The following COL4A5 variants were observed in gnomAD, a reference collection of about 807,000 sequenced individuals.
COL4A5 encodes collagen alpha-5(IV) chain.
A neutral mutation model predicts 130.2 loss-of-function variants in COL4A5; 26 were observed. That is an observed-to-expected ratio of 0.20 (90% CI 0.15 to 0.28). The LOEUF (loss-of-function observed/expected upper bound fraction) is 0.28. Among genes scored for constraint, COL4A5 ranks in the 10% least tolerant of loss-of-function variants. The pLI, the probability that COL4A5 is intolerant of heterozygous loss-of-function variation, is 1.00. For missense variants in COL4A5, 1,131 were observed against 1,344.3 expected (o/e 0.84, Z 2.48); for synonymous variants, 496 against 439.6 (o/e 1.13, Z -1.60).
At chrX:108,441,424 G>C (rs1250622362) in intron 1 of COL4A5, among the ~76,000 whole-genome samples, 2 of 111,999 alleles carry the variant, frequency 1.8e-5, no homozygotes, top group Non-Finnish European at 3.8e-5. Context: ...CACTTAGCAT[G>C]CCTCAAATCA....
At chrX:108,625,608 A>G (rs2067138617) in intron 34 of COL4A5, 97 bp from the exon 35 acceptor site, 8 of 548,549 alleles carry the variant, frequency 1.5e-5, no homozygotes, top group Middle Eastern at 6.5e-4. Flanking sequence ...AATCCATCTA[A>G]TCCCATGTTT....
At position 108,546,150 on chromosome X, in the gene COL4A5, TATG is replaced by T. The variant is rs746524724; in HGVS notation, c.141+6349_141+6351del. Among the ~76,000 whole-genome samples the T allele has an allele frequency of 9.8e-5, 11 of 111,903 alleles. No homozygotes were observed. The East Asian group carries it at 2.8e-3, about 29-fold the overall frequency. On this transcript the variant is annotated intron_variant, in intron 2 of 52. Coordinates refer to ENST00000328300, the MANE Select transcript of COL4A5 (RefSeq NM_033380.3). ...TTATGTGTGAATTTGATCCTGTCAT[TATG>T]ATGTTAGCTGGTTATTTTGCTCGTT...
intron 36 of COL4A5, among the ~76,000 whole-genome samples, chrX:108,649,097 G>A (rs2067668145): frequency 9.0e-6 from 1 of 111,045 alleles, no homozygotes; most frequent in African/African-American, 3.3e-5. Flanking sequence ...TACACCAACA[G>A]TGACCAAGCA....
rs778939380 is a variant in COL4A5 at position 108,580,585 on chromosome X, C to T, written c.833C>T (p.Pro278Leu). 10 of 1,205,636 alleles carry T rather than the reference C, an allele frequency of 8.3e-6. No homozygotes were observed. Among genetic ancestry groups the T allele is most frequent in the Non-Finnish European group, 1.1e-6 (1 of 891,566 alleles). ...GGACCTCCAGGGATACGTGGTCCTCCAGTAAGTACCTAAAGTGCTTTAGCA... is the reference window on the plus strand; with the variant it reads ...GGACCTCCAGGGATACGTGGTCCTCTAGTAAGTACCTAAAGTGCTTTAGCA... The part of the protein sequence containing the change: ...PPGPPGIRGP[P>L]GPPGGEKGEK... Residue 278 changes from proline (P) to leucine (L), a missense_variant and splice_region_variant, in exon 14 of 53, where the codon CCA (proline) becomes CTA (leucine). Physicochemically the swap from Pro to Leu is moderately conservative, Grantham distance 98. Transcript: ENST00000328300.
chrX:108,645,229 A>G (rs1022761433), intron 36 of COL4A5, among the ~76,000 whole-genome samples: 2 of 111,254 alleles, frequency 1.8e-5, no homozygotes, highest in Non-Finnish European at 3.8e-5. Context: ...AGATCAGGGC[A>G]GAACTAAATG....
At chrX:108,573,250 T>C (rs753043844) in intron 8 of COL4A5, among the ~76,000 whole-genome samples, 1 of 111,074 alleles carries the variant, frequency 9.0e-6, no homozygotes, top group African/African-American at 3.3e-5. Context: ...GTTAGCTTTA[T>C]GAGAACAGAG....
intron 1 of COL4A5, among the ~76,000 whole-genome samples, chrX:108,455,902 TA>T (rs1433464835): frequency 3.6e-5 from 4 of 111,742 alleles, no homozygotes; most frequent in African/African-American, 1.3e-4. Context: ...TTTGGTAGCA[TA>T]AGTCCTTTAC....
chrX:108,646,250 T>C (rs1362614481), intron 36 of COL4A5, among the ~76,000 whole-genome samples: 2 of 111,880 alleles, frequency 1.8e-5, no homozygotes, highest in Non-Finnish European at 3.8e-5. Context: ...TGTTGTTTCC[T>C]GATTTTTTAA....
chrX:108,637,149 G>T (rs764619227), intron 36 of COL4A5, among the ~76,000 whole-genome samples: 11 of 109,024 alleles, frequency 1.0e-4, no homozygotes, highest in African/African-American at 3.3e-4. Context: ...TGGACAGTTG[G>T]TCTTGAACTC....
chrX:108,601,347 T>C (rs1246656652), intron 25 of COL4A5, 46 bp from the exon 26 acceptor site: 5 of 892,460 alleles, frequency 5.6e-6, no homozygotes, highest in Non-Finnish European at 8.1e-6. Flanking sequence ...AGACCTTTAG[T>C]TGAGTAAATA....
intron 50 of COL4A5, chrX:108,693,533 G>T (rs1375901956): frequency 8.8e-6 from 1 of 114,239 alleles, no homozygotes; most frequent in Non-Finnish European, 1.8e-5. Context: ...GTAACAAGGA[G>T]CCCTGAAATA....
intron 1 of COL4A5, among the ~76,000 whole-genome samples, chrX:108,488,857 A>G (rs940646840): frequency 1.8e-5 from 2 of 111,547 alleles, no homozygotes; most frequent in African/African-American, 6.5e-5. Flanking sequence ...AGGTTAAATA[A>G]ATAATCCAGG....
intron 1 of COL4A5, among the ~76,000 whole-genome samples, chrX:108,446,677 T>C (rs1471447738): frequency 8.9e-6 from 1 of 111,988 alleles, no homozygotes; most frequent in African/African-American, 3.2e-5. Flanking sequence ...TGATACATGA[T>C]TGGGCCAAGA....
At chrX:108,542,723 A>T (rs765771505) in intron 2 of COL4A5, among the ~76,000 whole-genome samples, 1 of 104,758 alleles carries the variant, frequency 9.5e-6, no homozygotes, top group African/African-American at 4.0e-5. Context: ...CAGTCCCAAC[A>T]ACAGTGTAAA....
At chrX:108,459,278 G>A (rs1294750509) in intron 1 of COL4A5, among the ~76,000 whole-genome samples, 1 of 110,854 alleles carries the variant, frequency 9.0e-6, no homozygotes, top group Admixed American at 9.6e-5. Flanking sequence ...AGATAGATTT[G>A]CTTCTTTCTT....
At chrX:108,514,002 T>C (rs886845077) in intron 1 of COL4A5, among the ~76,000 whole-genome samples, 2 of 112,094 alleles carry the variant, frequency 1.8e-5, no homozygotes, top group African/African-American at 6.5e-5. Flanking sequence ...GTACCATTTT[T>C]GGAATATGTT....
chrX:108,519,025 A>G (rs1459128264), intron 1 of COL4A5, among the ~76,000 whole-genome samples: 2 of 111,790 alleles, frequency 1.8e-5, no homozygotes, highest in South Asian at 3.7e-4. Context: ...CTATTTCTTC[A>G]TGTATAAAAT....
At chrX:108,453,764 C>T (rs1015196979) in intron 1 of COL4A5, among the ~76,000 whole-genome samples, 1 of 111,806 alleles carries the variant, frequency 8.9e-6, no homozygotes, top group African/African-American at 3.2e-5. Flanking sequence ...TTTTCTGAAT[C>T]TTATTCTCGT....
chrX:108,633,296 C>A (rs1003679603), intron 36 of COL4A5, among the ~76,000 whole-genome samples: 12 of 111,046 alleles, frequency 1.1e-4, no homozygotes, highest in African/African-American at 3.9e-4. Context: ...CTTCTATATC[C>A]TGAGATTATA....
Sources: allele counts gnomAD v4.1 joint callset (sites outside exome capture counted in the v4.1 genomes callset), GRCh38; gene constraint gnomAD v4.1.1; transcripts MANE v1.5; gene names NCBI Gene and HGNC (gene_info 2026-07-23, HGNC 2026-07-21).